Variants in OPRL1 observed in about 807,000 individuals in gnomAD.
OPRL1 encodes the protein nociceptin receptor.
A neutral mutation model predicts 15.5 loss-of-function variants in OPRL1; 5 were observed. The ratio of observed to expected loss-of-function variants is 0.32; its 90% CI spans 0.17 to 0.68. The LOEUF (loss-of-function observed/expected upper bound fraction) is 0.68, where lower values mean the gene tolerates loss of function less well. OPRL1 is among the 30% of genes least tolerant of loss of function. The pLI is 0.72. For missense variants in OPRL1, 406 were observed against 515.3 expected (o/e 0.79, Z 2.05); for synonymous variants, 223 against 230.2 (o/e 0.97, Z 0.28).
chr20:64,098,661 C>T lies in OPRL1; in HGVS notation c.975C>T (p.Asn325=). 1 of 1,612,964 alleles carries T rather than the reference C, an allele frequency of 6.2e-7. No homozygotes were observed. The highest frequency in any genetic ancestry group is 1.6e-4 in the Middle Eastern group (1 of 6,062). The stretch of plus-strand genomic sequence containing the variant: ...TCCTCTACGCCTTCCTGGATGAGAA[C>T]TTCAAGGCCTGCTTCCGCAAGTTCT... The part of the protein sequence containing the change: ...NPILYAFLDE[N]FKACFRKFCC... The change falls in exon 5 of 5, where the codon AAC becomes AAT. Residue 325 remains asparagine, a synonymous_variant. Transcript: ENST00000336866.
Position 64,083,340 on chromosome 20 carries a change from G to A in OPRL1, c.-185+2988G>A. Reference sequence around the variant, plus strand: ...CGTCCATACTCCCCGCTTCCCTCGGGGTCCTGGGGAGTGGCAGCAAAAAGA... The same window carrying A: ...CGTCCATACTCCCCGCTTCCCTCGGAGTCCTGGGGAGTGGCAGCAAAAAGA... On this transcript the variant is annotated intron_variant, in intron 1 of 4. Coordinates refer to ENST00000336866, the MANE Select transcript of OPRL1 (RefSeq NM_182647.4). The surrounding 1 kb of genome is among the most constrained non-coding windows in gnomAD (Gnocchi z 4.9). 1.3e-6 allele frequency: 2 copies of A among 1,568,778 alleles called. No individual in the cohort carries two copies. Among genetic ancestry groups the A allele is most frequent in the South Asian group, 1.1e-5 (1 of 88,224 alleles).
At chr20:64,095,697 A>C (rs1402823430) in intron 3 of OPRL1, among the ~76,000 whole-genome samples, 2 of 151,794 alleles carry the variant, frequency 1.3e-5, no homozygotes, top group Non-Finnish European at 2.9e-5. Flanking sequence ...ACCCGGAAAA[A>C]GGTGATTCTG....
At chr20:64,084,505 A>C in intron 1 of OPRL1, 1 of 708,750 alleles carries the variant, frequency 1.4e-6, no homozygotes, top group Non-Finnish European at 1.9e-6. Flanking sequence ...TTCCTACCCG[A>C]TGGACTGTTC....
In OPRL1 at chr20:64,098,835, G is replaced by T; in HGVS notation, c.*36G>T. The T allele has an allele frequency of 6.4e-7, 1 of 1,556,868 alleles. No individual in the cohort carries two copies. The highest frequency in any genetic ancestry group is 8.6e-7 in the Non-Finnish European group (1 of 1,157,446). ...ACCTGCCCATGGTGCCTGTCAGCCC[G>T]CAGAGCCCATCTACGCCCAACACAG... On this transcript the variant is annotated 3_prime_UTR_variant, in exon 5 of 5. Coordinates refer to ENST00000336866, the MANE Select transcript of OPRL1 (RefSeq NM_182647.4).
chr20:64,081,795 G>T (rs2059970850), intron 1 of OPRL1, among the ~76,000 whole-genome samples: 1 of 152,166 alleles, frequency 6.6e-6, no homozygotes. Context: ...GCCTTTTCAT[G>T]GGGATCAAAG....
Position 64,083,778 on chromosome 20 carries a change from C to G in OPRL1, c.-185+3426C>G, listed in dbSNP as rs1220615652. The G allele has an allele frequency of 4.4e-5, 58 of 1,332,596 alleles. No homozygotes were observed. The highest frequency in any genetic ancestry group is 5.3e-5 in the Non-Finnish European group (55 of 1,047,172). 82.5% of individuals were successfully genotyped at this position (1,332,596 alleles called of 1,614,324 possible). A position where few individuals can be genotyped will look rare whatever the true frequency, so the allele number is the denominator to read the frequency against. On this transcript the variant is annotated intron_variant, in intron 1 of 4. Coordinates refer to ENST00000336866, the MANE Select transcript of OPRL1 (RefSeq NM_182647.4). This position sits in a 1 kb window ranked among gnomAD's most constrained non-coding sequence, Gnocchi z 4.9. ...GCCCCGGCCGGCTCCGCTCAACGCT[C>G]CCGGTGCGCCCCCTCTGCCCTCCGA...
intron 1 of OPRL1, chr20:64,084,108 C>G (rs1449094581): frequency 9.5e-6 from 14 of 1,473,416 alleles, no homozygotes; most frequent in South Asian, 9.0e-5. Context: ...TTGGGGGGCT[C>G]TGTCGCGGGC....
chr20:64,084,562 C>G (rs765523089), intron 1 of OPRL1, among the ~76,000 whole-genome samples: 35 of 152,312 alleles, frequency 2.3e-4, no homozygotes, highest in Middle Eastern at 3.4e-3. Context: ...TGATCTCAGG[C>G]CCTGCCACAT....
chr20:64,088,720 CAGGATCTGTGCAAGGGGT>C (rs200044655), intron 1 of OPRL1, among the ~76,000 whole-genome samples: 2,085 of 17,310 alleles, frequency 0.12, 491 homozygotes, highest in Admixed American at 0.16. Context: ...GCAGAGTGGC[CAGGATCTGTGCAAGGGGT>C]AGGATCTGTG....
In OPRL1 at chr20:64,083,930, G is replaced by A. The variant is rs1042301722; in HGVS notation, c.-185+3578G>A. On this transcript the variant is annotated intron_variant, in intron 1 of 4. Transcript: ENST00000336866. The surrounding 1 kb of genome is among the most constrained non-coding windows in gnomAD (Gnocchi z 4.9). Reference sequence around the variant, plus strand: ...CTCGGCGGGCAGCTCGAGCGACTGCGTCCACGGGCGCGGGTCGGGCATGCG... The same window carrying A: ...CTCGGCGGGCAGCTCGAGCGACTGCATCCACGGGCGCGGGTCGGGCATGCG... 2.1e-6 allele frequency: 3 copies of A among 1,455,378 alleles called. No individual in the cohort carries two copies. The highest frequency in any genetic ancestry group is 2.5e-5 in the Admixed American group (1 of 39,742). 90.2% of individuals were successfully genotyped at this position (1,455,378 alleles called of 1,614,324 possible).
rs2060131969 is a variant in OPRL1 at position 64,092,669 on chromosome 20, T to C, written c.-33-19T>C. On this transcript the variant is annotated intron_variant, in intron 2 of 4. Transcript: ENST00000336866. The stretch of plus-strand genomic sequence containing the variant: ...GTGTGTCTGGCACTGCAGCCACTTG[T>C]CTCTGCGCTCTGTCCCAGGTACCGT... 6.4e-7 allele frequency: 1 copy of C among 1,561,050 alleles called. No homozygotes were observed. The highest frequency in any genetic ancestry group is 8.8e-7 in the Non-Finnish European group (1 of 1,142,654).
intron 3 of OPRL1, among the ~76,000 whole-genome samples, chr20:64,095,931 T>C (rs1180176352): frequency 1.3e-5 from 2 of 152,040 alleles, no homozygotes; most frequent in Non-Finnish European, 2.9e-5. Context: ...GCCACGTGTA[T>C]ATGTATGTGT....
At position 64,083,515 on chromosome 20, in the gene OPRL1, G is replaced by T. The variant is rs765136278; in HGVS notation, c.-185+3163G>T. 6.3e-7 allele frequency: 1 copy of T among 1,577,092 alleles called. No individual in the cohort carries two copies. Among genetic ancestry groups the T allele is most frequent in the South Asian group, 1.1e-5 (1 of 87,916 alleles). On this transcript the variant is annotated intron_variant, in intron 1 of 4. Transcript: ENST00000336866. This position sits in a 1 kb window ranked among gnomAD's most constrained non-coding sequence, Gnocchi z 4.9. ...CTCCGCTGCCGGGGAGAGAGGCTGG[G>T]GTCCGGCGTGTGCGGAGGCGGGCAG...
chr20:64,085,844 T>A (rs1383678312), intron 1 of OPRL1, among the ~76,000 whole-genome samples: 1 of 152,180 alleles, frequency 6.6e-6, no homozygotes, highest in African/African-American at 2.4e-5. Flanking sequence ...GAGACTGCCC[T>A]GGCCTCTCAG....
In OPRL1 at chr20:64,089,561, C is replaced by G. The variant is rs545660760; in HGVS notation, c.-184-2405C>G. On this transcript the variant is annotated intron_variant, in intron 1 of 4. Coordinates refer to ENST00000336866, the MANE Select transcript of OPRL1 (RefSeq NM_182647.4). The surrounding 1 kb of genome is among the most constrained non-coding windows in gnomAD (Gnocchi z 5.5). ...TCTTGATCTCTCCATACTTCCTCCC[C>G]ACTCCTTTCCCTTTCCTCCTCCTCC... 1.3e-5 allele frequency among the ~76,000 whole-genome samples: 2 copies of G among 152,280 alleles called. No individual in the cohort carries two copies. Among genetic ancestry groups the G allele is most frequent in the East Asian group, 1.9e-4 (1 of 5,182 alleles).
At position 64,084,028 on chromosome 20, in the gene OPRL1, G is replaced by A. The variant is rs755402580; in HGVS notation, c.-185+3676G>A. ...CCACGTCCTCCAGCAGGTCGCCGAA[G>A]AGCAGATGGCGGTGGCGCTGCGCAG... On this transcript the variant is annotated intron_variant, in intron 1 of 4. Transcript: ENST00000336866. The A allele has an allele frequency of 7.3e-6, 11 of 1,504,288 alleles. 1 individual carries two copies. The South Asian group carries it at 1.1e-4, about 15-fold the overall frequency. 93.2% of individuals were successfully genotyped at this position (1,504,288 alleles called of 1,614,324 possible). A position where few individuals can be genotyped will look rare whatever the true frequency, so the allele number is the denominator to read the frequency against.
rs1460920432 is a variant in OPRL1 at position 64,083,144 on chromosome 20, C to T, written c.-185+2792C>T. Among the ~76,000 whole-genome samples the T allele has an allele frequency of 6.6e-6, 1 of 152,204 alleles. No individual in the cohort carries two copies. The highest frequency in any genetic ancestry group is 1.5e-5 in the Non-Finnish European group (1 of 68,022). On this transcript the variant is annotated intron_variant, in intron 1 of 4. Transcript: ENST00000336866. This position sits in a 1 kb window ranked among gnomAD's most constrained non-coding sequence, Gnocchi z 4.9. ...CTCCGTCCTCCCCAAGACTGGGGGCCTCCCATAGACCCACAGAACGCCAGG... is the reference window on the plus strand; with the variant it reads ...CTCCGTCCTCCCCAAGACTGGGGGCTTCCCATAGACCCACAGAACGCCAGG...
At chr20:64,081,248 G>A (rs1191187718) in intron 1 of OPRL1, among the ~76,000 whole-genome samples, 1 of 152,210 alleles carries the variant, frequency 6.6e-6, no homozygotes, top group Non-Finnish European at 1.5e-5. Flanking sequence ...GCAAGGAAAG[G>A]CAGGGGCCAG....
chr20:64,083,484 A>C lies in OPRL1; in HGVS notation c.-185+3132A>C. On this transcript the variant is annotated intron_variant, in intron 1 of 4. Transcript: ENST00000336866. This position sits in a 1 kb window ranked among gnomAD's most constrained non-coding sequence, Gnocchi z 4.9. The stretch of plus-strand genomic sequence containing the variant: ...CACGTTCTCCTCCAGGATGGTCTCC[A>C]CGCGCCTCCGCTGCCGGGGAGAGAG... 1.3e-6 allele frequency: 2 copies of C among 1,597,112 alleles called. No homozygotes were observed. Among genetic ancestry groups the C allele is most frequent in the Non-Finnish European group, 1.7e-6 (2 of 1,173,072 alleles).
Sources: gnomAD v4.1 joint callset for allele counts (sites outside exome capture counted in the v4.1 genomes callset) on GRCh38, gnomAD v4.1.1 for gene constraint, Gnocchi (gnomAD v3.1) non-coding constraint, MANE v1.5 for transcripts, NCBI Gene and HGNC (gene_info 2026-07-23, HGNC 2026-07-21) for gene names.